Variants in ADK observed in about 807,000 individuals in gnomAD.
ADK encodes adenosine kinase.
ADK carries 24 observed loss-of-function variants against 44.7 expected under a neutral mutation model. The ratio of observed to expected loss-of-function variants is 0.54; its 90% CI spans 0.39 to 0.76. The LOEUF is 0.76. ADK is among the 30% of genes least tolerant of loss of function. The pLI, the probability that ADK is intolerant of heterozygous loss-of-function variation, is 0.00. For missense variants in ADK, 321 were observed against 425.1 expected (o/e 0.76, Z 2.15); for synonymous variants, 128 against 142.6 (o/e 0.90, Z 0.73).
intron 3 of ADK, 36 bp downstream of exon 3, chr10:74,224,627 CTCTG>C (rs1591888315): frequency 4.5e-6 from 7 of 1,543,634 alleles, no homozygotes; most frequent in Non-Finnish European, 6.3e-6. Flanking sequence ...AAATAGTTTA[CTCTG>C]TCTATGAACT....
Position 74,699,453 on chromosome 10 carries a change from G to A in ADK, c.965-8868G>A, listed in dbSNP as rs1320557922. Among the ~76,000 whole-genome samples the A allele has an allele frequency of 7.2e-5, 11 of 152,120 alleles. No homozygotes were observed. The East Asian group carries it at 1.5e-3, about 21-fold the overall frequency. ...AGCACTTTGGGAGGCCGAGGCAGGC[G>A]GATCACCTGCAGTCAGGAGTTCAAG... On this transcript the variant is annotated intron_variant, in intron 10 of 10. Transcript: ENST00000539909.
At chr10:74,270,330 C>G (rs4376843) in intron 3 of ADK, among the ~76,000 whole-genome samples, 110,376 of 152,080 alleles carry the variant, frequency 0.73, 40,679 homozygotes, top group Middle Eastern at 0.86. Context: ...ACACATTTTT[C>G]TGGAAAATAA....
chr10:74,679,476 T>C (rs1855522183), intron 10 of ADK, among the ~76,000 whole-genome samples: 1 of 152,234 alleles, frequency 6.6e-6, no homozygotes, highest in Admixed American at 6.5e-5. Flanking sequence ...TGTTTATCCC[T>C]AAAATCTTTT....
intron 2 of ADK, among the ~76,000 whole-genome samples, chr10:74,209,013 A>G (rs1031171972): frequency 6.6e-6 from 1 of 152,204 alleles, no homozygotes. Context: ...CTGGGATTAC[A>G]GGCATGAGCC....
intron 10 of ADK, among the ~76,000 whole-genome samples, chr10:74,693,520 A>G (rs1203412068): frequency 6.6e-6 from 1 of 152,062 alleles, no homozygotes; most frequent in East Asian, 1.9e-4. Context: ...TTTCATTGCT[A>G]TCACGTGATA....
intron 1 of ADK, among the ~76,000 whole-genome samples, chr10:74,173,319 T>G (rs1369177213): frequency 6.6e-6 from 1 of 152,010 alleles, no homozygotes; most frequent in Non-Finnish European, 1.5e-5. Context: ...GGTCTCGATC[T>G]CCTGACCTCG....
At chr10:74,578,177 G>A (rs1448126638) in intron 7 of ADK, among the ~76,000 whole-genome samples, 1 of 152,090 alleles carries the variant, frequency 6.6e-6, no homozygotes, top group African/African-American at 2.4e-5. Context: ...TAACAAGGGT[G>A]CTGATCTCTC....
chr10:74,295,336 C>G (rs1592000930), intron 3 of ADK, among the ~76,000 whole-genome samples: 1 of 116,864 alleles, frequency 8.6e-6, no homozygotes, highest in South Asian at 2.5e-4. Flanking sequence ...GTGGCACGTG[C>G]TTGTAATCCC....
At chr10:74,446,657 T>C (rs1009317642) in intron 6 of ADK, among the ~76,000 whole-genome samples, 3 of 152,172 alleles carry the variant, frequency 2.0e-5, no homozygotes, top group African/African-American at 7.2e-5. Flanking sequence ...ATAATTCCCA[T>C]GTACATACAG....
chr10:74,461,929 G>A (rs1270260657), intron 6 of ADK, among the ~76,000 whole-genome samples: 1 of 152,004 alleles, frequency 6.6e-6, no homozygotes, highest in African/African-American at 2.4e-5. Context: ...TTATCCTGTT[G>A]CCTGAAATAT....
chr10:74,179,378 TAGG>T (rs1452646328), intron 1 of ADK, among the ~76,000 whole-genome samples: 1 of 152,038 alleles, frequency 6.6e-6, no homozygotes, highest in East Asian at 1.9e-4. Flanking sequence ...GGTGCATTCC[TAGG>T]AGGTTAGGCA....
chr10:74,351,587 G>A (rs563282553), intron 4 of ADK, among the ~76,000 whole-genome samples: 1 of 152,232 alleles, frequency 6.6e-6, no homozygotes, highest in African/African-American at 2.4e-5. Context: ...GCAAGAGAAA[G>A]AAATAAAGCG....
chr10:74,589,145 T>C, intron 7 of ADK, 137 bp from the exon 8 acceptor site: 1 of 750,514 alleles, frequency 1.3e-6, no homozygotes, highest in Non-Finnish European at 2.2e-6. Context: ...TTTATTGCTG[T>C]AAGAATAAAA....
chr10:74,522,987 C>T (rs1848898192), intron 6 of ADK, among the ~76,000 whole-genome samples: 1 of 152,098 alleles, frequency 6.6e-6, no homozygotes, highest in Non-Finnish European at 1.5e-5. Context: ...CGCAAAAAAG[C>T]GTTTGTGCCT....
chr10:74,586,757 G>A (rs1447453360), intron 7 of ADK, among the ~76,000 whole-genome samples: 1 of 151,816 alleles, frequency 6.6e-6, no homozygotes, highest in African/African-American at 2.4e-5. Context: ...GGGAGGCTGA[G>A]GCAGGAGAAT....
chr10:74,291,436 A>G lies in ADK; in HGVS notation c.195-23231A>G, dbSNP rs1591995679. Among the ~76,000 whole-genome samples, 4 of 152,198 alleles carry G rather than the reference A, an allele frequency of 2.6e-5. No individual in the cohort carries two copies. The South Asian group carries it at 8.3e-4, about 32-fold the overall frequency. ...CGTCTCAAAAACAACAACAACAACA[A>G]CAACAATAACAACAAAACCCTAATG... On this transcript the variant is annotated intron_variant, in intron 3 of 10. Coordinates refer to ENST00000539909, the MANE Select transcript of ADK (RefSeq NM_006721.4).
chr10:74,321,168 G>A (rs964247261), intron 4 of ADK, among the ~76,000 whole-genome samples: 1 of 151,922 alleles, frequency 6.6e-6, no homozygotes, highest in African/African-American at 2.4e-5. Context: ...TATATTCTAG[G>A]CATCTCAAAA....
At chr10:74,185,144 T>C (rs1842700520) in intron 1 of ADK, among the ~76,000 whole-genome samples, 2 of 152,206 alleles carry the variant, frequency 1.3e-5, no homozygotes, top group African/African-American at 2.4e-5. Flanking sequence ...GTTATATAAG[T>C]GTTAGTCATG....
At chr10:74,423,482 G>A (rs1291663409) in intron 6 of ADK, 2 of 193,570 alleles carry the variant, frequency 1.0e-5, no homozygotes, top group Admixed American at 5.9e-5. Context: ...CTGGAGGTCC[G>A]TACCTCAGTT....
Sources: allele counts gnomAD v4.1 joint callset (sites outside exome capture counted in the v4.1 genomes callset), GRCh38; gene constraint gnomAD v4.1.1; transcripts MANE v1.5; gene names NCBI Gene and HGNC (gene_info 2026-07-23, HGNC 2026-07-21).